NENF: variants seen among roughly 807,000 people sequenced by gnomAD.
NENF encodes the protein neudesin.
In NENF, 6 loss-of-function variants were observed where a neutral mutation model predicts 14.8. The observed-to-expected ratio is 0.40, with a 90% CI of 0.22 to 0.80. NENF has a LOEUF of 0.80. NENF is among the 30% of genes least tolerant of loss of function. The pLI, the probability that NENF is intolerant of heterozygous loss-of-function variation, is 0.34. For synonymous variants in NENF, 76 were observed against 95.1 expected, an observed-to-expected ratio of 0.80 and a Z score of 1.17; for missense variants, 184 against 212.7, an observed-to-expected ratio of 0.87 and a Z score of 0.84.
chr1:212,438,503 A>G (rs1234183531), intron 1 of NENF, among the ~76,000 whole-genome samples: 2 of 152,090 alleles, frequency 1.3e-5, no homozygotes, highest in Non-Finnish European at 2.9e-5. Context: ...TATAGTAATA[A>G]CTGCCTTACA....
chr1:212,434,462 GAC>G (rs1304184424), intron 1 of NENF, among the ~76,000 whole-genome samples: 1 of 152,172 alleles, frequency 6.6e-6, no homozygotes, highest in Non-Finnish European at 1.5e-5. Context: ...TGCCCCATGT[GAC>G]CAGCCCCCAG....
Position 212,446,115 on chromosome 1 carries a change from A to G in NENF, c.*109A>G, listed in dbSNP as rs1662775973. On this transcript the variant is annotated 3_prime_UTR_variant, in exon 4 of 4. Coordinates refer to ENST00000366988, the MANE Select transcript of NENF (RefSeq NM_013349.5). The stretch of plus-strand genomic sequence containing the variant: ...GAGGCCCTGAGCCACCCAGATCTGA[A>G]TAAAACAGATGCTTACCCTGGAAGA... 1.9e-6 allele frequency: 2 copies of G among 1,036,732 alleles called. No individual in the cohort carries two copies. The highest frequency in any genetic ancestry group is 2.9e-6 in the Non-Finnish European group (2 of 695,592). 64.2% of individuals were successfully genotyped at this position (1,036,732 alleles called of 1,614,324 possible).
intron 3 of NENF, 80 bp downstream of exon 3, chr1:212,444,522 T>TC: frequency 1.2e-5 from 1 of 83,196 alleles, no homozygotes; most frequent in Non-Finnish European, 2.2e-5. Flanking sequence ...TCTTTTCGTG[T>TC]GTGTGTGTGT....
Position 212,446,236 on chromosome 1 carries a change from C to T in NENF, c.*230C>T. The T allele has an allele frequency of 6.0e-6, 3 of 503,346 alleles. No homozygotes were observed. The highest frequency in any genetic ancestry group is 7.1e-6 in the Non-Finnish European group (2 of 283,190). 31.2% of individuals were successfully genotyped at this position (503,346 alleles called of 1,614,324 possible). Reference sequence around the variant, plus strand: ...CAATAAGAGCCAAAGTGGGACACCTCCTAGATGTCAGTATCAGCTGGCTGG... The same window carrying T: ...CAATAAGAGCCAAAGTGGGACACCTTCTAGATGTCAGTATCAGCTGGCTGG... On this transcript the variant is annotated 3_prime_UTR_variant, in exon 4 of 4. Transcript: ENST00000366988.
chr1:212,440,054 C>T (rs1662676438), intron 1 of NENF, among the ~76,000 whole-genome samples: 1 of 151,928 alleles, frequency 6.6e-6, no homozygotes, highest in African/African-American at 2.4e-5. Flanking sequence ...GAGTTTGAGA[C>T]CAGCCTGGCC....
In NENF at chr1:212,444,351, G is replaced by A. The variant is rs759807201; in HGVS notation, c.251G>A (p.Arg84Gln). ...DVTSGKEFYG[R>Q]GAPYNALTGK... ...CTTCCCACTACAGAGTTTTATGGAC[G>A]AGGAGCCCCCTACAATGCCTTGACG... Residue 84 changes from arginine (R) to glutamine (Q), a missense_variant, in exon 3 of 4, where the codon CGA becomes CAA. Arg to Gln is a conservative substitution (Grantham distance 43). Transcript: ENST00000366988. The A allele has an allele frequency of 5.6e-6, 9 of 1,599,934 alleles. No homozygotes were observed. The East Asian group carries it at 1.1e-4, about 20-fold the overall frequency.
chr1:212,435,228 G>T (rs904892577), intron 1 of NENF, among the ~76,000 whole-genome samples: 2 of 152,228 alleles, frequency 1.3e-5, no homozygotes, highest in African/African-American at 2.4e-5. Context: ...ACTTGGATTA[G>T]TCCAGGTTTC....
rs1662562652 is a variant in NENF at position 212,433,860 on chromosome 1, G to T, written c.177+740G>T. On this transcript the variant is annotated intron_variant, in intron 1 of 3. Transcript: ENST00000366988. The surrounding 1 kb of genome is among the most constrained non-coding windows in gnomAD (Gnocchi z 5.5). ...AGCCGCACGACAAGGACCAACAGGG[G>T]GCTGATATTAGATGTGGAGCGGGGG... 6.6e-6 allele frequency among the ~76,000 whole-genome samples: 1 copy of T among 152,150 alleles called. No individual in the cohort carries two copies. Among genetic ancestry groups the T allele is most frequent in the Non-Finnish European group, 1.5e-5 (1 of 68,038 alleles).
chr1:212,435,264 T>C (rs1662584997), intron 1 of NENF, among the ~76,000 whole-genome samples: 1 of 152,232 alleles, frequency 6.6e-6, no homozygotes, highest in Non-Finnish European at 1.5e-5. Context: ...CATTTGGATA[T>C]CTATATCTAT....
chr1:212,444,238 T>G lies in NENF; in HGVS notation c.239-101T>G, dbSNP rs1466568417. ...CCTCTCCGTGAGCGTGGAGTCTTTT[T>G]TAGGATTGGGTGCGGGCCTTGGGAG... On this transcript the variant is annotated intron_variant, in intron 2 of 3. Transcript: ENST00000366988. 4.8e-6 allele frequency: 3 copies of G among 620,190 alleles called. No individual in the cohort carries two copies. In the Admixed American group the frequency reaches 1.1e-4, roughly 23 times the overall value. 38.4% of individuals were successfully genotyped at this position (620,190 alleles called of 1,614,324 possible).
At position 212,444,394 on chromosome 1, in the gene NENF, A is replaced by G. The variant is rs146397413; in HGVS notation, c.294A>G (p.Arg98=). 54 of 1,610,242 alleles carry G rather than the reference A, an allele frequency of 3.4e-5. No homozygotes were observed. Among genetic ancestry groups the G allele is most frequent in the Middle Eastern group, 1.7e-4 (1 of 6,058 alleles). ...YNALTGKDST[R]GVAKMSLDPA... ...CCTTGACGGGGAAGGACTCCACTAG[A>G]GGGGTAGCCAAGATGTCCTTGGATC... The change falls in exon 3 of 4, where the codon AGA becomes AGG. Residue 98 remains arginine, a synonymous_variant. Transcript: ENST00000366988.
chr1:212,434,938 T>C (rs1025756564), intron 1 of NENF: 1 of 152,176 alleles, frequency 6.6e-6, no homozygotes, highest in African/African-American at 2.4e-5. Context: ...AGCCTGAGGA[T>C]CTCTGTAGGT....
intron 2 of NENF, among the ~76,000 whole-genome samples, 172 bp from the exon 3 acceptor site, chr1:212,444,167 C>T (rs1037787143): frequency 2.6e-5 from 4 of 152,214 alleles, no homozygotes; most frequent in Admixed American, 6.5e-5. Context: ...GGAATCCAAC[C>T]TGATGGCTGG....
At chr1:212,438,107 A>C (rs917891511) in intron 1 of NENF, among the ~76,000 whole-genome samples, 2 of 152,246 alleles carry the variant, frequency 1.3e-5, no homozygotes, top group Non-Finnish European at 2.9e-5. Flanking sequence ...CCTCTTATGT[A>C]GATAACAGGT....
intron 2 of NENF, among the ~76,000 whole-genome samples, chr1:212,443,542 G>A (rs913927182): frequency 5.3e-5 from 8 of 152,002 alleles, no homozygotes; most frequent in South Asian, 2.1e-4. Flanking sequence ...ACAGGTGCAC[G>A]CCACCATGCC....
At chr1:212,439,775 G>A (rs1391387331) in intron 1 of NENF, among the ~76,000 whole-genome samples, 1 of 151,324 alleles carries the variant, frequency 6.6e-6, no homozygotes, top group Non-Finnish European at 1.5e-5. Flanking sequence ...CAGGAGAATA[G>A]CTTGAACCTG....
rs555204100 is a variant in NENF, at chr1:212,443,254, A to G, written c.238+629A>G. ...AAGAGTTGGCATTATAGAACATTAC[A>G]GAACATTTTAGTGCCATTTAATGTA... On this transcript the variant is annotated intron_variant, in intron 2 of 3. Transcript: ENST00000366988. 9.2e-4 allele frequency among the ~76,000 whole-genome samples: 140 copies of G among 152,352 alleles called. No homozygotes were observed. In the South Asian group the frequency reaches 0.028, roughly 30 times the overall value.
At position 212,436,200 on chromosome 1, in the gene NENF, A is replaced by T. The variant is rs998233055; in HGVS notation, c.177+3080A>T. On this transcript the variant is annotated intron_variant, in intron 1 of 3. Transcript: ENST00000366988. ...AATGGTTTATCATAAGGATTGGTTT[A>T]CACGATAGCGGGGGCTGGCTGGGCA... 2.6e-5 allele frequency among the ~76,000 whole-genome samples: 4 copies of T among 152,180 alleles called. No homozygotes were observed. The East Asian group carries it at 7.7e-4, about 29-fold the overall frequency.
intron 2 of NENF, 99 bp from the exon 3 acceptor site, chr1:212,444,240 A>C: frequency 1.6e-6 from 1 of 622,090 alleles, no homozygotes; most frequent in South Asian, 3.6e-5. Flanking sequence ...AGTCTTTTTT[A>C]GGATTGGGTG....
Sources: gnomAD v4.1 joint callset for allele counts (sites outside exome capture counted in the v4.1 genomes callset) on GRCh38, gnomAD v4.1.1 for gene constraint, Gnocchi (gnomAD v3.1) non-coding constraint, MANE v1.5 for transcripts, NCBI Gene and HGNC (gene_info 2026-07-23, HGNC 2026-07-21) for gene names.